Variants in ATP8A1 observed in about 807,000 individuals in gnomAD.
ATP8A1 encodes the protein phospholipid-transporting ATPase IA.
Under a neutral mutation model 177.7 loss-of-function variants are expected in ATP8A1, and 90 were observed. The observed-to-expected ratio is 0.51, with a 90% CI of 0.43 to 0.60. The LOEUF (loss-of-function observed/expected upper bound fraction) is 0.60. Ranked by LOEUF, ATP8A1 falls within the 20% of genes least tolerant of loss-of-function variation. ATP8A1 has a pLI of 0.00. For synonymous variants in ATP8A1, 493 were observed against 485.9 expected (o/e 1.01, Z -0.19); for missense variants, 1,072 against 1,392.8 (o/e 0.77, Z 3.67).
intron 10 of ATP8A1, among the ~76,000 whole-genome samples, chr4:42,581,141 A>AT (rs35041975): frequency 0.015 from 2,167 of 148,776 alleles, 65 homozygotes; most frequent in East Asian, 0.084. Flanking sequence ...TTCTTTTTTT[A>AT]TTTTTTTTTT....
At chr4:42,632,026 C>A (rs1738790275) in intron 1 of ATP8A1, among the ~76,000 whole-genome samples, 1 of 152,206 alleles carries the variant, frequency 6.6e-6, no homozygotes, top group Admixed American at 6.5e-5. Context: ...GGTGCTCAGA[C>A]ATTTGACATC....
chr4:42,414,597 T>G (rs199665267), intron 36 of ATP8A1, 30 bp downstream of exon 36: 2 of 1,567,684 alleles, frequency 1.3e-6, no homozygotes, highest in Non-Finnish European at 8.8e-7. Flanking sequence ...GCAGAGAATT[T>G]ATTTAAAAAT....
intron 33 of ATP8A1, among the ~76,000 whole-genome samples, chr4:42,442,219 T>A (rs1194233949): frequency 6.6e-6 from 1 of 152,136 alleles, no homozygotes; most frequent in Non-Finnish European, 1.5e-5. Context: ...AGAAATGAGA[T>A]AAAGGAAGGC....
chr4:42,637,085 G>A (rs1274980770), intron 1 of ATP8A1: 3 of 514,348 alleles, frequency 5.8e-6, no homozygotes, highest in East Asian at 1.1e-4. Context: ...GGTGGGCAGT[G>A]ATGCCCTACC....
At chr4:42,573,105 CG>C (rs1732069278) in intron 14 of ATP8A1, among the ~76,000 whole-genome samples, 1 of 152,018 alleles carries the variant, frequency 6.6e-6, no homozygotes, top group Non-Finnish European at 1.5e-5. Flanking sequence ...TGATAAAATG[CG>C]GAAGAAAACA....
chr4:42,575,596 C>T (rs1383779798), intron 13 of ATP8A1, 26 bp downstream of exon 13: 3 of 1,599,500 alleles, frequency 1.9e-6, no homozygotes, highest in Non-Finnish European at 2.6e-6. Flanking sequence ...TAATTCCACA[C>T]ATAATCAACA....
At chr4:42,437,725 G>C (rs890325282) in intron 33 of ATP8A1, among the ~76,000 whole-genome samples, 21 of 152,112 alleles carry the variant, frequency 1.4e-4, no homozygotes, top group Admixed American at 1.3e-3. Flanking sequence ...TACTGTAGTG[G>C]AAACAAAGTG....
intron 6 of ATP8A1, among the ~76,000 whole-genome samples, chr4:42,592,969 C>T (rs1436706419): frequency 6.6e-6 from 1 of 152,064 alleles, no homozygotes; most frequent in Non-Finnish European, 1.5e-5. Context: ...CACATTTTTA[C>T]TTAGTAAAAC....
intron 14 of ATP8A1, 66 bp downstream of exon 14, chr4:42,574,553 A>G: frequency 7.5e-7 from 1 of 1,335,246 alleles, no homozygotes; most frequent in Non-Finnish European, 1.1e-6. Flanking sequence ...AGAACTCCCA[A>G]ATGTACCAAA....
intron 18 of ATP8A1, among the ~76,000 whole-genome samples, chr4:42,549,510 C>T (rs757553429): frequency 6.6e-6 from 1 of 152,010 alleles, no homozygotes; most frequent in Non-Finnish European, 1.5e-5. Flanking sequence ...GAAAAAGTGG[C>T]CAGGTCTGGT....
intron 19 of ATP8A1, among the ~76,000 whole-genome samples, chr4:42,545,147 G>A (rs1383150849): frequency 7.1e-6 from 1 of 141,264 alleles, no homozygotes; most frequent in Non-Finnish European, 1.5e-5. Flanking sequence ...GTGACAGGGC[G>A]AGACTCCGTC....
intron 19 of ATP8A1, among the ~76,000 whole-genome samples, chr4:42,545,979 G>A (rs1728875203): frequency 6.6e-6 from 1 of 152,078 alleles, no homozygotes; most frequent in African/African-American, 2.4e-5. Flanking sequence ...GTCTCGGTTT[G>A]GGGGTGGGAA....
At chr4:42,437,488 C>T (rs959316833) in intron 33 of ATP8A1, among the ~76,000 whole-genome samples, 2 of 152,170 alleles carry the variant, frequency 1.3e-5, no homozygotes, top group African/African-American at 4.8e-5. Flanking sequence ...GAGAGGAAGA[C>T]AGCAACTTAT....
At chr4:42,649,932 C>G (rs1215760063) in intron 1 of ATP8A1, among the ~76,000 whole-genome samples, 4 of 152,134 alleles carry the variant, frequency 2.6e-5, no homozygotes, top group Non-Finnish European at 5.9e-5. Flanking sequence ...ACCCCCTGCC[C>G]TTAGGGAGCT....
At position 42,575,653 on chromosome 4, in the gene ATP8A1, C is replaced by T. The variant is rs201262908; in HGVS notation, c.1175G>A (p.Arg392Gln). 14 of 1,611,454 alleles carry T rather than the reference C, an allele frequency of 8.7e-6. No homozygotes were observed. The highest frequency in any genetic ancestry group is 5.3e-5 in the African/African-American group (4 of 74,822). ...YEPTDTAAMARTSNLNEELGQ... is the reference protein window; with the variant it reads ...YEPTDTAAMAQTSNLNEELGQ... Reference sequence around the variant, plus strand: ...AAGTTCCTCATTCAGATTAGATGTTCGAGCCATAGCAGCAGTGTCTGTGGG... The same window carrying T: ...AAGTTCCTCATTCAGATTAGATGTTTGAGCCATAGCAGCAGTGTCTGTGGG... The change falls in exon 13 of 37, where the codon CGA becomes CAA. Residue 392 changes from arginine (R) to glutamine (Q), a missense_variant. Coordinates refer to ENST00000381668, the MANE Select transcript of ATP8A1 (RefSeq NM_006095.2).
intron 14 of ATP8A1, among the ~76,000 whole-genome samples, chr4:42,569,570 T>C (rs1281368433): frequency 1.3e-5 from 2 of 152,190 alleles, no homozygotes; most frequent in African/African-American, 4.8e-5. Flanking sequence ...ATAAAGTGTT[T>C]CAAGGTAACA....
intron 22 of ATP8A1, among the ~76,000 whole-genome samples, chr4:42,519,242 AC>A (rs1440084532): frequency 6.6e-6 from 1 of 151,966 alleles, no homozygotes; most frequent in Non-Finnish European, 1.5e-5. Context: ...GGTGCATGCT[AC>A]CACATCCAGC....
intron 15 of ATP8A1, among the ~76,000 whole-genome samples, chr4:42,556,674 T>G (rs550600087): frequency 2.0e-5 from 3 of 152,196 alleles, no homozygotes; most frequent in Admixed American, 2.0e-4. Context: ...ACGATATAAA[T>G]GGAGTCAATT....
intron 14 of ATP8A1, among the ~76,000 whole-genome samples, chr4:42,572,594 AAACATGATCACTGGAAGCAGTTT>A (rs1421469434): frequency 6.6e-6 from 1 of 152,212 alleles, no homozygotes; most frequent in East Asian, 1.9e-4. Context: ...GCACATACAC[AAACATGATCACTGGAAGCAGTTT>A]AACTAGCTTT....
Sources: allele counts gnomAD v4.1 joint callset (sites outside exome capture counted in the v4.1 genomes callset), GRCh38; gene constraint gnomAD v4.1.1; transcripts MANE v1.5; gene names NCBI Gene and HGNC (gene_info 2026-07-23, HGNC 2026-07-21).